The following MYH7B variants were observed in gnomAD, a reference collection of about 807,000 sequenced individuals.
MYH7B encodes the protein myosin-7B.
In MYH7B, 205 loss-of-function variants were observed where a neutral mutation model predicts 234.5. The ratio of observed to expected loss-of-function variants is 0.87; its 90% CI spans 0.78 to 0.98. The LOEUF (loss-of-function observed/expected upper bound fraction) is 0.98. MYH7B is among the 50% of genes least tolerant of loss of function. MYH7B has a pLI of 0.00. For synonymous variants in MYH7B, 1,193 were observed against 1,105.0 expected (o/e 1.08, Z -1.58); for missense variants, 2,652 against 2,633.4 (o/e 1.01, Z -0.15).
At chr20:35,001,849 A>G (rs1000791967) in intron 43 of MYH7B, 99 bp from the exon 44 acceptor site, 2 of 1,515,074 alleles carry the variant, frequency 1.3e-6, no homozygotes, top group Non-Finnish European at 8.9e-7. Flanking sequence ...AACAAAGTTG[A>G]GAACCAGGAG....
chr20:34,997,015 G>A lies in MYH7B; in HGVS notation c.3267-68G>A, dbSNP rs571754606. On this transcript the variant is annotated intron_variant, in intron 30 of 44. Transcript: ENST00000262873. ...CAGGGCCTGAAGGGGACTGGGGGGCGTTATGGGGTCCCAGGCGGGTGGGTG... is the reference window on the plus strand; with the variant it reads ...CAGGGCCTGAAGGGGACTGGGGGGCATTATGGGGTCCCAGGCGGGTGGGTG... The A allele has an allele frequency of 2.3e-5, 31 of 1,357,066 alleles. No homozygotes were observed. In the Admixed American group the frequency reaches 4.5e-4, roughly 20 times the overall value. The allele number at this position is 1,357,066 out of a possible 1,614,324, so 84.1% of individuals were successfully genotyped here.
At chr20:35,000,860 G>A in exon 40 of MYH7B, 1 of 1,613,820 alleles carries the variant, frequency 6.2e-7, no homozygotes, top group Non-Finnish European at 8.5e-7. Flanking sequence ...AGAGGCGGGA[G>A]GCTGAGGAGA....
intron 14 of MYH7B, 38 bp from the exon 15 acceptor site, chr20:34,986,848 C>T (rs1189970750): frequency 6.5e-7 from 1 of 1,536,786 alleles, no homozygotes; most frequent in South Asian, 1.1e-5. Context: ...AGCCGGTAAG[C>T]ACTGCCTGAC....
At chr20:34,998,669 A>AC in intron 34 of MYH7B, 40 bp downstream of exon 34, 1 of 1,612,496 alleles carries the variant, frequency 6.2e-7, no homozygotes, top group Non-Finnish European at 8.5e-7. Context: ...GCAGGTGGGC[A>AC]CCAGAGCCAC....
At chr20:34,960,610 C>T (rs987688122) in intron 2 of MYH7B, among the ~76,000 whole-genome samples, 11 of 152,228 alleles carry the variant, frequency 7.2e-5, no homozygotes, top group Admixed American at 7.2e-4. Context: ...CATCTGTGCA[C>T]ATGGCTACTG....
Position 34,981,074 on chromosome 20 carries a change from T to C in MYH7B, c.527+14T>C. ...CATGCTGATCACGTGAGTGTGGGGC[T>C]CTGGGGGTGGGGTGGAAAATGCTGG... is the stretch of plus-strand genomic sequence containing the variant. On this transcript the variant is annotated intron_variant, in intron 9 of 44. Coordinates refer to ENST00000262873, the Ensembl canonical transcript of MYH7B. The C allele has an allele frequency of 6.2e-7, 1 of 1,613,410 alleles. No homozygotes were observed. The highest frequency in any genetic ancestry group is 8.5e-7 in the Non-Finnish European group (1 of 1,179,760).
chr20:34,980,551 TA>T, intron 7 of MYH7B, 26 bp from the exon 8 acceptor site: 1 of 1,591,540 alleles, frequency 6.3e-7, no homozygotes, highest in Non-Finnish European at 8.6e-7. Context: ...AACAACAACA[TA>T]AACCCTACCT....
rs764560311 is a variant in MYH7B, at chr20:34,997,152, G to C, written c.3336G>C (p.Gln1112His). Residue 1112 changes from glutamine to histidine, a missense_variant, in exon 31 of 45, where the codon CAG becomes CAC. By Grantham distance (24) the Gln-to-His change is conservative. Transcript: ENST00000262873. ...AGCAGCTCTTGGGGGCCCAGATGCA[G>C]AAGAAGATCAAGGAGCTGCAGGTGC... 66 of 1,549,414 alleles carry C rather than the reference G, an allele frequency of 4.3e-5. No homozygotes were observed. Among genetic ancestry groups the C allele is most frequent in the Non-Finnish European group, 3.5e-6 (4 of 1,146,760 alleles).
chr20:34,974,216 C>A (rs2081822478), intron 2 of MYH7B, among the ~76,000 whole-genome samples: 2 of 149,392 alleles, frequency 1.3e-5, no homozygotes, highest in Non-Finnish European at 1.5e-5. Context: ...CATGAGCCAC[C>A]ATGCCCAGCC....
chr20:34,999,760 C>A lies in MYH7B; in HGVS notation c.4666-31C>A, dbSNP rs71349783. Reference sequence around the variant, plus strand: ...CTGCTCCACTGGCCATCCCCCCCCCCCACCCTACCCTGCCTGCTCTGTATC... The same window carrying A: ...CTGCTCCACTGGCCATCCCCCCCCCACACCCTACCCTGCCTGCTCTGTATC... On this transcript the variant is annotated intron_variant, in intron 37 of 44. Transcript: ENST00000262873. The A allele has an allele frequency of 3.6e-5, 40 of 1,112,372 alleles. 2 individuals carry two copies. The highest frequency in any genetic ancestry group is 9.3e-5 in the South Asian group (6 of 64,538). The allele number at this position is 1,112,372 out of a possible 1,614,324, so 68.9% of individuals were successfully genotyped here.
At chr20:34,957,943 G>C (rs1158760271) in intron 1 of MYH7B, among the ~76,000 whole-genome samples, 155 bp from the exon 2 acceptor site, 1 of 152,196 alleles carries the variant, frequency 6.6e-6, no homozygotes, top group East Asian at 1.9e-4. Context: ...TCCTTTCCTC[G>C]TTGGCTTTTG....
chr20:34,977,033 G>A (rs1359945070), intron 3 of MYH7B, among the ~76,000 whole-genome samples: 1 of 140,984 alleles, frequency 7.1e-6, no homozygotes, highest in Non-Finnish European at 1.5e-5. Flanking sequence ...TGTCTGAGAA[G>A]GATGTCCCTC....
At chr20:34,964,254 G>T (rs963039300) in intron 2 of MYH7B, among the ~76,000 whole-genome samples, 1 of 152,068 alleles carries the variant, frequency 6.6e-6, no homozygotes, top group African/African-American at 2.4e-5. Context: ...GCTTTTGTCA[G>T]TCTAGTGATG....
At chr20:34,980,543 C>CAACAA in intron 7 of MYH7B, 35 bp from the exon 8 acceptor site, 13 of 1,572,552 alleles carry the variant, frequency 8.3e-6, no homozygotes, top group Non-Finnish European at 1.1e-5. Flanking sequence ...ATCTCAAAAA[C>CAACAA]AACAACATAA....
chr20:34,977,441 C>T (rs1200609557), intron 3 of MYH7B, among the ~76,000 whole-genome samples, 191 bp from the exon 4 acceptor site: 2 of 152,128 alleles, frequency 1.3e-5, no homozygotes, highest in Non-Finnish European at 2.9e-5. Flanking sequence ...TCTCTGCACC[C>T]AGCCTCCCTG....
exon 44 of MYH7B, chr20:35,002,022 AGACATGGCG>A (rs779084968): frequency 1.2e-6 from 2 of 1,613,940 alleles, no homozygotes; most frequent in African/African-American, 2.7e-5. Flanking sequence ...AGGAGCGGGC[AGACATGGCG>A]GAAACCCAGG....
exon 34 of MYH7B, chr20:34,998,552 A>C: frequency 6.2e-7 from 1 of 1,613,710 alleles, no homozygotes; most frequent in Non-Finnish European, 8.5e-7. Context: ...GTGTCTGATC[A>C]GTCAGCTGAG....
At chr20:34,994,324 G>T (rs2082211740) in exon 27 of MYH7B, 6 of 1,609,454 alleles carry the variant, frequency 3.7e-6, no homozygotes, top group Non-Finnish European at 5.1e-6. Flanking sequence ...TGCGGCCGAG[G>T]CCAAGCGCCA....
Position 34,996,331 on chromosome 20 carries a change from C to G in MYH7B, c.2944-15C>G. 6.4e-7 allele frequency: 1 copy of G among 1,568,748 alleles called. No homozygotes were observed. The highest frequency in any genetic ancestry group is 8.6e-7 in the Non-Finnish European group (1 of 1,157,464). Reference sequence around the variant, plus strand: ...GGGGAAGGGCGTCCCCATTCTGGCCCTGGCCCTGGCACAGGTGAAGAACCT... The same window carrying G: ...GGGGAAGGGCGTCCCCATTCTGGCCGTGGCCCTGGCACAGGTGAAGAACCT... On this transcript the variant is annotated splice_polypyrimidine_tract_variant and intron_variant, in intron 28 of 44. Transcript: ENST00000262873.
Sources: gnomAD v4.1 joint callset for allele counts (sites outside exome capture counted in the v4.1 genomes callset) on GRCh38, gnomAD v4.1.1 for gene constraint, MANE v1.5 for transcripts, NCBI Gene and HGNC (gene_info 2026-07-23, HGNC 2026-07-21) for gene names.